Variants in ELL2 observed in about 807,000 individuals in gnomAD.
ELL2 encodes the protein elongation factor for RNA polymerase II 2.
Under a neutral mutation model 72.8 loss-of-function variants are expected in ELL2, and 21 were observed. That is an observed-to-expected ratio of 0.29 (90% confidence interval 0.20 to 0.42). ELL2 has a LOEUF of 0.42. Among genes scored for constraint, ELL2 ranks in the 10% least tolerant of loss-of-function variants. The pLI, the probability that ELL2 is intolerant of heterozygous loss-of-function variation, is 1.00. For synonymous variants in ELL2, 266 were observed against 283.2 expected, an observed-to-expected ratio of 0.94 and a Z score of 0.61; for missense variants, 568 against 772.8, an observed-to-expected ratio of 0.73 and a Z score of 3.14.
intron 2 of ELL2, among the ~76,000 whole-genome samples, chr5:95,930,059 T>G (rs1750542483): frequency 6.6e-6 from 1 of 152,250 alleles, no homozygotes; most frequent in South Asian, 2.1e-4. Flanking sequence ...CATTTTGTAT[T>G]TTTAAAGAAT....
At chr5:95,915,988 G>A (rs1396070422) in intron 3 of ELL2, among the ~76,000 whole-genome samples, 2 of 151,880 alleles carry the variant, frequency 1.3e-5, no homozygotes, top group Non-Finnish European at 2.9e-5. Context: ...AATCTGGATG[G>A]AGGATAGATT....
chr5:95,942,920 G>C, intron 2 of ELL2, 82 bp downstream of exon 2: 2 of 1,047,144 alleles, frequency 1.9e-6, no homozygotes, highest in East Asian at 3.1e-5. Context: ...TATAATAAAA[G>C]GGTCAACTGA....
In ELL2 at chr5:95,891,109, C is replaced by A; in HGVS notation, c.1755G>T (p.Glu585Asp). The change falls in exon 10 of 12, where the codon GAG becomes GAT. Residue 585 changes from glutamate to aspartate, a missense_variant. By Grantham distance (45) the Glu-to-Asp change is conservative (BLOSUM62 2). This residue lies in a region of ELL2 where 511 missense variants were observed against 728.4 expected (regional missense o/e 0.70). Coordinates refer to ENST00000237853, the MANE Select transcript of ELL2 (RefSeq NM_012081.6). The stretch of plus-strand genomic sequence containing the variant: ...TAGTTACAAATCCATTTACCTGATA[C>A]TCTTTTGAGCCTGGAGAAAGGCGCT... ...QRKRLSPGSK[E>D]YQNVHEEVLQ... The A allele has an allele frequency of 1.2e-6, 2 of 1,614,068 alleles. No homozygotes were observed. The highest frequency in any genetic ancestry group is 1.7e-6 in the Non-Finnish European group (2 of 1,180,018).
At chr5:95,929,821 C>T (rs1394189716) in intron 2 of ELL2, among the ~76,000 whole-genome samples, 3 of 151,278 alleles carry the variant, frequency 2.0e-5, no homozygotes, top group Non-Finnish European at 4.4e-5. Flanking sequence ...AACCCCCACA[C>T]AGCTGCCTGC....
chr5:95,956,325 C>T (rs1418863316), intron 1 of ELL2, among the ~76,000 whole-genome samples: 1 of 152,182 alleles, frequency 6.6e-6, no homozygotes, highest in African/African-American at 2.4e-5. Context: ...GGGGCACAAA[C>T]TTGACTTTAC....
intron 2 of ELL2, among the ~76,000 whole-genome samples, chr5:95,922,658 A>G (rs1457356150): frequency 6.6e-6 from 1 of 152,064 alleles, no homozygotes; most frequent in Non-Finnish European, 1.5e-5. Flanking sequence ...CTTTCTATGC[A>G]TTTTTTTCTC....
At chr5:95,935,611 A>C (rs530119702) in intron 2 of ELL2, among the ~76,000 whole-genome samples, 4 of 152,294 alleles carry the variant, frequency 2.6e-5, no homozygotes, top group African/African-American at 9.6e-5. Context: ...TTTTGTTCCA[A>C]TTCTCCAATG....
chr5:95,912,895 T>C (rs1749657361), intron 4 of ELL2, among the ~76,000 whole-genome samples: 1 of 152,232 alleles, frequency 6.6e-6, no homozygotes, highest in Non-Finnish European at 1.5e-5. Context: ...TTAAGGGACT[T>C]GGTTCTTCAA....
At chr5:95,954,762 A>G (rs965915362) in intron 1 of ELL2, among the ~76,000 whole-genome samples, 2 of 148,584 alleles carry the variant, frequency 1.3e-5, no homozygotes, top group Non-Finnish European at 3.0e-5. Context: ...AATTCTATAG[A>G]CTCTATTCAT....
intron 10 of ELL2, 134 bp from the exon 11 acceptor site, chr5:95,889,264 A>G: frequency 1.4e-6 from 1 of 738,560 alleles, no homozygotes; most frequent in Non-Finnish European, 2.2e-6. Context: ...ATCTTTATGG[A>G]AGGCAATGTG....
At chr5:95,943,388 A>G (rs187901914) in intron 1 of ELL2, among the ~76,000 whole-genome samples, 72 of 152,352 alleles carry the variant, frequency 4.7e-4, no homozygotes, top group African/African-American at 1.7e-3. Context: ...TGGATGAACC[A>G]TATCACACTA....
intron 5 of ELL2, among the ~76,000 whole-genome samples, chr5:95,904,191 T>A (rs189030504): frequency 1.3e-5 from 2 of 152,188 alleles, no homozygotes; most frequent in Admixed American, 1.3e-4. Context: ...TGAAATTGTC[T>A]CATGAATAAG....
At chr5:95,927,270 C>T (rs148369216) in intron 2 of ELL2, among the ~76,000 whole-genome samples, 1 of 150,058 alleles carries the variant, frequency 6.7e-6, no homozygotes, top group East Asian at 2.0e-4. Flanking sequence ...CCTAGACATA[C>T]TAAATATAAG....
chr5:95,944,187 A>G (rs1387510930), intron 1 of ELL2, among the ~76,000 whole-genome samples: 1 of 152,234 alleles, frequency 6.6e-6, no homozygotes, highest in African/African-American at 2.4e-5. Flanking sequence ...GGATTATAAT[A>G]AATGAAAGAG....
At chr5:95,910,392 A>T (rs577701289) in intron 4 of ELL2, among the ~76,000 whole-genome samples, 102 of 152,338 alleles carry the variant, frequency 6.7e-4, no homozygotes, top group Middle Eastern at 3.4e-3. Flanking sequence ...TCCAAAATTT[A>T]GGTAGAAGTC....
chr5:95,913,453 C>G, intron 4 of ELL2: 1 of 185,428 alleles, frequency 5.4e-6, no homozygotes, highest in East Asian at 1.4e-4. Context: ...ATTACATCAT[C>G]TAGTGACAAA....
At chr5:95,916,972 C>T (rs1159273967) in intron 3 of ELL2, among the ~76,000 whole-genome samples, 1 of 152,180 alleles carries the variant, frequency 6.6e-6, no homozygotes, top group Non-Finnish European at 1.5e-5. Context: ...GAAAACAGAT[C>T]TTTATGCAAA....
chr5:95,894,885 A>C (rs2112270728), intron 9 of ELL2, among the ~76,000 whole-genome samples: 1 of 152,340 alleles, frequency 6.6e-6, no homozygotes, highest in South Asian at 2.1e-4. Flanking sequence ...TCCCTTTTAC[A>C]TTCTAGCTAT....
chr5:95,904,059 T>C (rs573592804), intron 5 of ELL2, among the ~76,000 whole-genome samples: 2 of 152,318 alleles, frequency 1.3e-5, no homozygotes, highest in South Asian at 4.1e-4. Context: ...ATTCTTGCCG[T>C]AGAAGTCTTA....
Sources: allele counts gnomAD v4.1 joint callset (sites outside exome capture counted in the v4.1 genomes callset), GRCh38; gene constraint gnomAD v4.1.1; regional missense constraint gnomAD v4.1.1; transcripts MANE v1.5; gene names NCBI Gene and HGNC (gene_info 2026-07-23, HGNC 2026-07-21).